The following MBD5 variants were observed in gnomAD, a reference collection of about 807,000 sequenced individuals.
MBD5 encodes the protein methyl-CpG binding domain protein 5, also known as methyl-CpG-binding domain protein 5.
Under a neutral mutation model 117.3 loss-of-function variants are expected in MBD5, and 13 were observed. The observed-to-expected ratio is 0.11, with a 90% CI of 0.07 to 0.18. The LOEUF (loss-of-function observed/expected upper bound fraction) is 0.18, where lower values mean the gene tolerates loss of function less well. Among genes scored for constraint, MBD5 ranks in the 10% least tolerant of loss-of-function variants. MBD5 has a pLI of 1.00. For synonymous variants in MBD5, 727 were observed against 766.4 expected (o/e 0.95, Z 0.85); for missense variants, 1,879 against 2,093.8 (o/e 0.90, Z 2.00).
At chr2:148,297,176 G>A (rs941568063) in intron 3 of MBD5, among the ~76,000 whole-genome samples, 4 of 152,052 alleles carry the variant, frequency 2.6e-5, no homozygotes, top group Non-Finnish European at 4.4e-5. Context: ...ATGAGTTACC[G>A]TGTCTGGCCT....
chr2:148,267,351 C>G (rs1700882427), intron 3 of MBD5, among the ~76,000 whole-genome samples: 1 of 152,116 alleles, frequency 6.6e-6, no homozygotes, highest in Non-Finnish European at 1.5e-5. Flanking sequence ...GTACACTAAT[C>G]TCACAATTTA....
chr2:148,173,815 C>G (rs1698320137), intron 1 of MBD5, among the ~76,000 whole-genome samples: 1 of 152,040 alleles, frequency 6.6e-6, no homozygotes, highest in Non-Finnish European at 1.5e-5. Context: ...GAAAGATATC[C>G]CATGTTTATG....
chr2:148,197,744 T>C (rs1429661700), intron 2 of MBD5, among the ~76,000 whole-genome samples: 2 of 151,814 alleles, frequency 1.3e-5, no homozygotes, highest in East Asian at 1.9e-4. Flanking sequence ...TTTATTTATT[T>C]CCTTAGGCAC....
intron 4 of MBD5, among the ~76,000 whole-genome samples, chr2:148,411,856 A>C (rs7561976): frequency 6.6e-6 from 1 of 151,908 alleles, no homozygotes; most frequent in Admixed American, 6.6e-5. Context: ...ATATTGAGTC[A>C]CATTTCTCAC....
intron 1 of MBD5, among the ~76,000 whole-genome samples, chr2:148,073,854 A>G (rs1668089040): frequency 6.6e-6 from 1 of 152,186 alleles, no homozygotes. Context: ...ACTGTGCCAT[A>G]TGCCATAACT....
chr2:148,034,745 C>A (rs935835788), intron 1 of MBD5, among the ~76,000 whole-genome samples: 2 of 152,122 alleles, frequency 1.3e-5, no homozygotes, highest in Non-Finnish European at 2.9e-5. Context: ...ACATCATTTT[C>A]TTTTGTTGCA....
chr2:148,436,058 A>C (rs569012965), intron 4 of MBD5, among the ~76,000 whole-genome samples: 1 of 152,308 alleles, frequency 6.6e-6, no homozygotes, highest in African/African-American at 2.4e-5. Context: ...ATAGGAATGA[A>C]ATTGCATTTG....
At chr2:148,301,329 T>TG (rs1701772671) in intron 3 of MBD5, among the ~76,000 whole-genome samples, 1 of 152,108 alleles carries the variant, frequency 6.6e-6, no homozygotes, top group Admixed American at 6.5e-5. Flanking sequence ...TGTCAATGGA[T>TG]GGGAAATTGT....
intron 2 of MBD5, among the ~76,000 whole-genome samples, chr2:148,206,069 G>A (rs1699272902): frequency 6.6e-6 from 1 of 151,504 alleles, no homozygotes; most frequent in East Asian, 1.9e-4. Context: ...GTTGCAGCAA[G>A]CCGAGATCGC....
intron 1 of MBD5, among the ~76,000 whole-genome samples, chr2:148,152,262 C>T (rs976093712): frequency 1.2e-4 from 19 of 152,220 alleles, no homozygotes; most frequent in African/African-American, 4.1e-4. Context: ...GAGTGAGATT[C>T]TTAATCCTGA....
chr2:148,199,469 T>C (rs752847671), intron 2 of MBD5, among the ~76,000 whole-genome samples: 3 of 152,148 alleles, frequency 2.0e-5, no homozygotes, highest in African/African-American at 4.8e-5. Context: ...TAAACTAATA[T>C]GTTGAAAGGG....
intron 4 of MBD5, among the ~76,000 whole-genome samples, chr2:148,399,030 G>A (rs1457567409): frequency 6.6e-6 from 1 of 152,186 alleles, no homozygotes; most frequent in East Asian, 1.9e-4. Flanking sequence ...TTTGGTACCA[G>A]CACCATGCTG....
chr2:148,324,053 T>C (rs567983835), intron 3 of MBD5, among the ~76,000 whole-genome samples: 15 of 152,220 alleles, frequency 9.9e-5, no homozygotes, highest in East Asian at 3.9e-4. Context: ...TTACAGCTTT[T>C]TACATATGGC....
chr2:148,357,653 C>A (rs551900882), intron 4 of MBD5, among the ~76,000 whole-genome samples: 1 of 151,800 alleles, frequency 6.6e-6, no homozygotes, highest in African/African-American at 2.4e-5. Flanking sequence ...TTCTTTCCTT[C>A]TACAACTTTT....
intron 4 of MBD5, among the ~76,000 whole-genome samples, chr2:148,434,720 T>G (rs901763379): frequency 6.6e-6 from 1 of 152,062 alleles, no homozygotes; most frequent in African/African-American, 2.4e-5. Flanking sequence ...ATGAGAAAAA[T>G]GTATATTCGG....
In MBD5 at chr2:148,288,399, C is replaced by CAAAAAA. The variant is rs569673565; in HGVS notation, c.-679-53805_-679-53800dup. On this transcript the variant is annotated intron_variant, in intron 3 of 13. Transcript: ENST00000642680. Reference sequence around the variant, plus strand: ...TGGGCGACAGAGCGAGACTCCGTCTCAAAAAAAAAAAAAAAGTGATTTCTT... The same window carrying CAAAAAA: ...TGGGCGACAGAGCGAGACTCCGTCTCAAAAAAAAAAAAAAAAAAAAAGTGATTTCTT... Among the ~76,000 whole-genome samples, 8 of 37,798 alleles carry CAAAAAA rather than the reference C, an allele frequency of 2.1e-4. 1 individual carries two copies. Among genetic ancestry groups the CAAAAAA allele is most frequent in the East Asian group, 5.0e-3 (2 of 398 alleles). The allele number at this position is 37,798 out of a possible 152,430, so 24.8% of individuals were successfully genotyped here.
At chr2:148,329,800 G>T (rs1702583325) in intron 3 of MBD5, among the ~76,000 whole-genome samples, 1 of 151,982 alleles carries the variant, frequency 6.6e-6, no homozygotes, top group East Asian at 1.9e-4. Flanking sequence ...CTTTTAACAG[G>T]GTACTTTGGT....
chr2:148,463,474 A>T (rs1171785855), intron 6 of MBD5, among the ~76,000 whole-genome samples: 1 of 152,158 alleles, frequency 6.6e-6, no homozygotes, highest in Non-Finnish European at 1.5e-5. Flanking sequence ...TAAAATTGAG[A>T]ACATTATCAG....
intron 3 of MBD5, among the ~76,000 whole-genome samples, chr2:148,258,156 T>C (rs547044565): frequency 1.0e-3 from 158 of 152,288 alleles, no homozygotes; most frequent in Non-Finnish European, 1.4e-3. Flanking sequence ...GTGATGTGTA[T>C]GTCCGTGCAG....
Sources: gnomAD v4.1 joint callset for allele counts (sites outside exome capture counted in the v4.1 genomes callset) on GRCh38, gnomAD v4.1.1 for gene constraint, MANE v1.5 for transcripts, NCBI Gene and HGNC (gene_info 2026-07-23, HGNC 2026-07-21) for gene names.